Variants in TNIK observed in about 807,000 individuals in gnomAD.
TNIK encodes TRAF2 and NCK-interacting protein kinase.
TNIK carries 49 observed loss-of-function variants against 191.3 expected under a neutral mutation model. The ratio of observed to expected loss-of-function variants is 0.26; its 90% confidence interval spans 0.20 to 0.32. The LOEUF (loss-of-function observed/expected upper bound fraction) is 0.32, where lower values mean the gene tolerates loss of function less well. TNIK is among the 10% of genes least tolerant of loss of function. The probability of loss-of-function intolerance (pLI) is 1.00; values close to 1 mark genes in which losing one functional copy is unlikely to be tolerated. For missense variants in TNIK, 1,155 were observed against 1,702.3 expected (o/e 0.68, Z 5.66); for synonymous variants, 594 against 600.9 (o/e 0.99, Z 0.17).
At chr3:171,405,364 T>C (rs1039250024) in intron 1 of TNIK, among the ~76,000 whole-genome samples, 2 of 152,160 alleles carry the variant, frequency 1.3e-5, no homozygotes, top group East Asian at 1.9e-4. Context: ...CCTCAAAATA[T>C]AGAAACAAGC....
intron 18 of TNIK, among the ~76,000 whole-genome samples, chr3:171,115,435 T>A (rs537397549): frequency 7.9e-5 from 12 of 152,234 alleles, no homozygotes; most frequent in Non-Finnish European, 1.6e-4. Flanking sequence ...GAGGGGACAA[T>A]AGGGAGCATG....
At chr3:171,426,960 T>C (rs1325003823) in intron 1 of TNIK, among the ~76,000 whole-genome samples, 2 of 152,172 alleles carry the variant, frequency 1.3e-5, no homozygotes, top group Non-Finnish European at 2.9e-5. Context: ...TGTAAGATCG[T>C]CCAAGATAAG....
chr3:171,074,022 G>A (rs938041523), intron 28 of TNIK, among the ~76,000 whole-genome samples: 1 of 105,660 alleles, frequency 9.5e-6, no homozygotes, highest in Non-Finnish European at 1.8e-5. Flanking sequence ...AATCCCAAAG[G>A]AAAATAACTT....
intron 2 of TNIK, among the ~76,000 whole-genome samples, chr3:171,352,440 T>G (rs1713366979): frequency 6.6e-6 from 1 of 152,232 alleles, no homozygotes; most frequent in South Asian, 2.1e-4. Context: ...TTGTGTTATT[T>G]ATCCAAAGAA....
chr3:171,287,415 A>G (rs1052650201), intron 2 of TNIK, among the ~76,000 whole-genome samples: 21 of 152,232 alleles, frequency 1.4e-4, no homozygotes, highest in African/African-American at 4.8e-4. Context: ...GAATAAGAAC[A>G]TTTAAGAAGG....
At position 171,312,138 on chromosome 3, in the gene TNIK, AAAAG is replaced by A. The variant is rs1291738384; in HGVS notation, c.123+57478_123+57481del. Among the ~76,000 whole-genome samples the A allele has an allele frequency of 2.0e-3, 242 of 118,790 alleles. 7 individuals carry two copies. The highest frequency in any genetic ancestry group is 3.4e-3 in the Non-Finnish European group (185 of 54,930). 77.9% of individuals were successfully genotyped at this position (118,790 alleles called of 152,430 possible). A position where few individuals can be genotyped will look rare whatever the true frequency, so the allele number is the denominator to read the frequency against. ...TAAAAAAAAAAAAAAAAAAAAAAAAAAAAGGGCTAGACTGGCATATCTGATTTTA... is the reference window on the plus strand; with the variant it reads ...TAAAAAAAAAAAAAAAAAAAAAAAAAGGCTAGACTGGCATATCTGATTTTA... On this transcript the variant is annotated intron_variant, in intron 2 of 32. Coordinates refer to ENST00000436636, the MANE Select transcript of TNIK (RefSeq NM_015028.4).
intron 2 of TNIK, among the ~76,000 whole-genome samples, chr3:171,354,793 GGT>G (rs1210853681): frequency 6.6e-6 from 1 of 152,136 alleles, no homozygotes; most frequent in African/African-American, 2.4e-5. Flanking sequence ...TTCAGAGAGA[GGT>G]AACACCATGA....
intron 1 of TNIK, among the ~76,000 whole-genome samples, chr3:171,444,413 A>T (rs1727214155): frequency 6.6e-6 from 1 of 152,134 alleles, no homozygotes; most frequent in African/African-American, 2.4e-5. Context: ...GAATTTGTGA[A>T]TATGGATTCT....
At chr3:171,352,574 TA>T (rs1713385012) in intron 2 of TNIK, among the ~76,000 whole-genome samples, 2 of 152,184 alleles carry the variant, frequency 1.3e-5, no homozygotes. Context: ...ACTATGTAAA[TA>T]AGGAACTACT....
intron 29 of TNIK, among the ~76,000 whole-genome samples, chr3:171,069,593 T>G (rs1379161770): frequency 6.6e-6 from 1 of 152,180 alleles, no homozygotes; most frequent in Non-Finnish European, 1.5e-5. Context: ...ATCACAAGAT[T>G]GATGGCTTGC....
intron 11 of TNIK, among the ~76,000 whole-genome samples, chr3:171,158,198 C>G (rs1733489010): frequency 2.0e-5 from 3 of 152,222 alleles, no homozygotes; most frequent in African/African-American, 7.2e-5. Context: ...AAGGTCAACA[C>G]AGAGCCAGGA....
intron 2 of TNIK, among the ~76,000 whole-genome samples, chr3:171,274,141 C>A (rs990050011): frequency 6.6e-6 from 1 of 152,192 alleles, no homozygotes; most frequent in African/African-American, 2.4e-5. Flanking sequence ...GGAAGACCAA[C>A]CTGTGAGCAT....
chr3:171,325,715 A>G (rs1213445048), intron 2 of TNIK, among the ~76,000 whole-genome samples: 1 of 152,246 alleles, frequency 6.6e-6, no homozygotes, highest in African/African-American at 2.4e-5. Flanking sequence ...TAAACTATCA[A>G]GAATTTCGGG....
rs538049823 is a variant in TNIK at position 171,318,240 on chromosome 3, G to C, written c.123+51380C>G. Among the ~76,000 whole-genome samples the C allele has an allele frequency of 7.3e-4, 111 of 152,240 alleles. 3 individuals carry two copies. In the South Asian group the frequency reaches 0.023, roughly 31 times the overall value. Reference sequence around the variant, plus strand: ...GCTTTCCAGCCTTCTAAATCAGACAGTTGCATAATTATTTAACATGAGTGT... The same window carrying C: ...GCTTTCCAGCCTTCTAAATCAGACACTTGCATAATTATTTAACATGAGTGT... On this transcript the variant is annotated intron_variant, in intron 2 of 32. Coordinates refer to ENST00000436636, the MANE Select transcript of TNIK (RefSeq NM_015028.4).
chr3:171,267,173 T>C (rs915438935), intron 2 of TNIK, among the ~76,000 whole-genome samples: 3 of 152,230 alleles, frequency 2.0e-5, no homozygotes, highest in African/African-American at 4.8e-5. Flanking sequence ...GTTATAGTAG[T>C]ATTCACTCAA....
At chr3:171,210,724 T>C (rs1740701787) in intron 4 of TNIK, among the ~76,000 whole-genome samples, 1 of 152,112 alleles carries the variant, frequency 6.6e-6, no homozygotes, top group African/African-American at 2.4e-5. Flanking sequence ...TAAACCTTAG[T>C]TGCATCATTC....
intron 22 of TNIK, 81 bp from the exon 23 acceptor site, chr3:171,094,049 A>T: frequency 6.7e-7 from 1 of 1,492,854 alleles, no homozygotes; most frequent in Non-Finnish European, 9.0e-7. Flanking sequence ...TATTTTTGTT[A>T]TGGTAAAATA....
chr3:171,359,254 G>A (rs932709536), intron 2 of TNIK, among the ~76,000 whole-genome samples: 8 of 152,132 alleles, frequency 5.3e-5, no homozygotes, highest in African/African-American at 1.9e-4. Context: ...AGCCATACTC[G>A]AAGTATCAAC....
chr3:171,220,502 A>C (rs1742164297), intron 3 of TNIK, among the ~76,000 whole-genome samples: 1 of 152,178 alleles, frequency 6.6e-6, no homozygotes, highest in Admixed American at 6.5e-5. Context: ...TCAACAAGAG[A>C]AGACCTAGTG....
Sources: allele counts gnomAD v4.1 joint callset (sites outside exome capture counted in the v4.1 genomes callset), GRCh38; gene constraint gnomAD v4.1.1; transcripts MANE v1.5; gene names NCBI Gene and HGNC (gene_info 2026-07-23, HGNC 2026-07-21).